Variants in KDM5B observed in about 807,000 individuals in gnomAD.
KDM5B encodes the protein lysine-specific demethylase 5B.
In KDM5B, 144 loss-of-function variants were observed where a neutral mutation model predicts 193.4. That is an observed-to-expected ratio of 0.74 (90% CI 0.65 to 0.86). The LOEUF (loss-of-function observed/expected upper bound fraction) is 0.86, where lower values mean the gene tolerates loss of function less well. Ranked by LOEUF, KDM5B falls within the 40% of genes least tolerant of loss-of-function variation. The pLI is 0.00. For synonymous variants in KDM5B, 668 were observed against 682.6 expected (o/e 0.98, Z 0.33); for missense variants, 1,833 against 1,886.9 (o/e 0.97, Z 0.53).
chr1:202,734,019 A>AT, intron 22 of KDM5B, 133 bp from the exon 23 acceptor site: 1 of 1,111,852 alleles, frequency 9.0e-7, no homozygotes, highest in South Asian at 1.6e-5. Context: ...GCCTCATACT[A>AT]AGCTGTGAGT....
At chr1:202,749,669 TAAA>T (rs78201474) in intron 13 of KDM5B, among the ~76,000 whole-genome samples, 1 of 145,230 alleles carries the variant, frequency 6.9e-6, no homozygotes, top group African/African-American at 2.5e-5. Context: ...AAAAAGTGGT[TAAA>T]AAAAAAAAAA....
intron 8 of KDM5B, among the ~76,000 whole-genome samples, chr1:202,759,306 G>A (rs2102269713): frequency 6.6e-6 from 1 of 152,102 alleles, no homozygotes; most frequent in East Asian, 1.9e-4. Flanking sequence ...TGGGAGGCTG[G>A]GGCAGGAGGA....
chr1:202,750,627 T>C, intron 13 of KDM5B, 32 bp downstream of exon 13: 1 of 1,604,626 alleles, frequency 6.2e-7, no homozygotes, highest in Non-Finnish European at 8.5e-7. Flanking sequence ...AACAATAAAT[T>C]TGAAAAGGTT....
intron 2 of KDM5B, among the ~76,000 whole-genome samples, chr1:202,775,898 A>ATG (rs1656935741): frequency 7.2e-6 from 1 of 138,682 alleles, no homozygotes. Context: ...ATATATATAT[A>ATG]TATATAATAT....
chr1:202,760,712 A>G, intron 7 of KDM5B, 139 bp from the exon 8 acceptor site: 1 of 505,028 alleles, frequency 2.0e-6, no homozygotes, highest in Admixed American at 4.2e-5. Context: ...TATAAGGGAT[A>G]TTTTAAATAA....
At chr1:202,746,667 TAAGATTAA>T (rs1572720206) in intron 14 of KDM5B, 2 of 166,826 alleles carry the variant, frequency 1.2e-5, no homozygotes, top group East Asian at 3.2e-4. Context: ...GAGGTATAGA[TAAGATTAA>T]AAGAAAGGAA....
At chr1:202,756,898 G>T (rs1007406923) in intron 9 of KDM5B, among the ~76,000 whole-genome samples, 4 of 152,186 alleles carry the variant, frequency 2.6e-5, no homozygotes, top group Non-Finnish European at 5.9e-5. Context: ...ACTTTGAGAT[G>T]CTTTCAAATA....
chr1:202,729,723 T>G lies in KDM5B; in HGVS notation c.4481A>C (p.Gln1494Pro). The G allele has an allele frequency of 6.2e-7, 1 of 1,613,548 alleles. No individual in the cohort carries two copies. Among genetic ancestry groups the G allele is most frequent in the Non-Finnish European group, 8.5e-7 (1 of 1,179,618 alleles). Residue 1494 changes from glutamine to proline, a missense_variant, in exon 26 of 27, where the codon CAG becomes CCG. Coordinates refer to ENST00000367265, the MANE Select transcript of KDM5B (RefSeq NM_006618.5). ...CTCACTGACCTCATCTCCTTCTGGCTGCAGGCAGCTCACAGCTGGGCAGAT... is the reference window on the plus strand; with the variant it reads ...CTCACTGACCTCATCTCCTTCTGGCGGCAGGCAGCTCACAGCTGGGCAGAT... ...DAICPAVSCL[Q>P]PEGDEVDWVQ...
chr1:202,798,195 G>A (rs1657926554), intron 1 of KDM5B, among the ~76,000 whole-genome samples: 1 of 151,160 alleles, frequency 6.6e-6, no homozygotes. Flanking sequence ...GTGAGACCCT[G>A]TCTCAAAAAA....
At chr1:202,775,843 A>G in intron 2 of KDM5B, among the ~76,000 whole-genome samples, 1 of 130,964 alleles carries the variant, frequency 7.6e-6, no homozygotes, top group Admixed American at 8.0e-5. Context: ...GTGACAGAAC[A>G]AGACTCTTGT....
Position 202,808,246 on chromosome 1 carries a change from C to T in KDM5B, c.60G>A (p.Pro20=), listed in dbSNP as rs779258062. ...GAGGCAGGAACTCGCCCAGCGGGCCCGGGCCCCCGAGGGGCAGCGCCGGGC... is the reference window on the plus strand; with the variant it reads ...GAGGCAGGAACTCGCCCAGCGGGCCTGGGCCCCCGAGGGGCAGCGCCGGGC... ...GPRPALPLGG[P]GPLGEFLPPP... The change falls in exon 1 of 27, where the codon CCG becomes CCA. Residue 20 remains proline (P), a synonymous_variant. Transcript: ENST00000367265. 182 of 1,611,226 alleles carry T rather than the reference C, an allele frequency of 1.1e-4. No homozygotes were observed. Among genetic ancestry groups the T allele is most frequent in the Non-Finnish European group, 1.4e-4 (170 of 1,179,292 alleles).
At chr1:202,737,266 A>G (rs1655131438) in intron 20 of KDM5B, among the ~76,000 whole-genome samples, 1 of 152,234 alleles carries the variant, frequency 6.6e-6, no homozygotes, top group African/African-American at 2.4e-5. Context: ...TATAAGAATC[A>G]TCTGGAAGGC....
At chr1:202,802,675 C>A (rs112123395) in intron 1 of KDM5B, among the ~76,000 whole-genome samples, 1 of 151,528 alleles carries the variant, frequency 6.6e-6, no homozygotes, top group Middle Eastern at 3.2e-3. Context: ...ATTACAGGCA[C>A]GAGCCACTAT....
chr1:202,736,798 C>T (rs1264453010), intron 20 of KDM5B, among the ~76,000 whole-genome samples: 2 of 152,106 alleles, frequency 1.3e-5, no homozygotes, highest in Non-Finnish European at 2.9e-5. Context: ...CCCATCACCA[C>T]GCCCAACTAA....
intron 9 of KDM5B, among the ~76,000 whole-genome samples, chr1:202,757,003 G>A (rs911711343): frequency 1.3e-5 from 2 of 152,126 alleles, no homozygotes; most frequent in African/African-American, 4.8e-5. Flanking sequence ...AGCAGTGGTC[G>A]CCAGTGTCCC....
intron 6 of KDM5B, among the ~76,000 whole-genome samples, chr1:202,763,251 T>C (rs1197500634): frequency 2.6e-5 from 4 of 152,192 alleles, no homozygotes; most frequent in African/African-American, 9.7e-5. Flanking sequence ...TTCTGAAGAC[T>C]GAGAAGTTTG....
Position 202,774,677 on chromosome 1 carries a change from T to A in KDM5B, c.341A>T (p.Gln114Leu), listed in dbSNP as rs141260322. The A allele has an allele frequency of 6.2e-7, 1 of 1,611,852 alleles. No individual in the cohort carries two copies. The highest frequency in any genetic ancestry group is 1.3e-5 in the African/African-American group (1 of 75,026). Residue 114 changes from glutamine to leucine, a missense_variant, in exon 3 of 27, where the codon CAG (glutamine) becomes CTG (leucine). By Grantham distance (113) the Gln-to-Leu change is moderately radical. Transcript: ENST00000367265. Reference sequence around the variant, plus strand: ...ATGTGGAATTTTCAGAGTACTTCCCTGTAACTCCCAGTACTTTGCAATCTG... The same window carrying A: ...ATGTGGAATTTTCAGAGTACTTCCCAGTAACTCCCAGTACTTTGCAATCTG... The part of the protein sequence containing the change: ...LDQIAKYWEL[Q>L]GSTLKIPHVE...
At chr1:202,736,481 G>A in intron 20 of KDM5B, 89 bp from the exon 21 acceptor site, 1 of 1,008,048 alleles carries the variant, frequency 9.9e-7, no homozygotes, top group Admixed American at 2.9e-5. Flanking sequence ...GGTCCATTGA[G>A]TACTTCAGAT....
In KDM5B at chr1:202,741,629, C is replaced by G; in HGVS notation, c.2683G>C (p.Asp895His). The part of the protein sequence containing the change: ...PSAAELQDLL[D>H]VSFEFDVELP... ...TCAACATCAAATTCAAAGCTGACAT[C>G]TAGCAAGTCCTGCAGCTCCGCAGCA... The change falls in exon 19 of 27, where the codon GAT (aspartate) becomes CAT (histidine). Residue 895 changes from aspartate to histidine, a missense_variant. Transcript: ENST00000367265. 1 of 1,614,196 alleles carries G rather than the reference C, an allele frequency of 6.2e-7. No homozygotes were observed. Among genetic ancestry groups the G allele is most frequent in the Non-Finnish European group, 8.5e-7 (1 of 1,180,010 alleles).
Sources: allele counts gnomAD v4.1 joint callset (sites outside exome capture counted in the v4.1 genomes callset), GRCh38; gene constraint gnomAD v4.1.1; transcripts MANE v1.5; gene names NCBI Gene and HGNC (gene_info 2026-07-23, HGNC 2026-07-21).